Variants in ULK2 observed in about 807,000 individuals in gnomAD.
The protein encoded by ULK2 is serine/threonine-protein kinase ULK2.
ULK2 carries 76 observed loss-of-function variants against 127.5 expected under a neutral mutation model. The ratio of observed to expected loss-of-function variants is 0.60; its 90% confidence interval spans 0.50 to 0.72. ULK2 has a LOEUF of 0.72. ULK2 is among the 30% of genes least tolerant of loss of function. ULK2 has a pLI of 0.00. For missense variants in ULK2, 1,144 were observed against 1,295.9 expected, an observed-to-expected ratio of 0.88 and a Z score of 1.80; for synonymous variants, 452 against 461.9, an observed-to-expected ratio of 0.98 and a Z score of 0.28.
At chr17:19,849,469 C>A in intron 4 of ULK2, 64 bp from the exon 5 acceptor site, 1 of 1,443,368 alleles carries the variant, frequency 6.9e-7, no homozygotes, top group South Asian at 1.2e-5. Flanking sequence ...TCAATCCATT[C>A]TCAATTGTGA....
intron 13 of ULK2, among the ~76,000 whole-genome samples, chr17:19,815,328 T>C (rs539217752): frequency 6.6e-6 from 1 of 152,284 alleles, no homozygotes; most frequent in Non-Finnish European, 1.5e-5. Context: ...TGGCACGATC[T>C]CAGCTCACTG....
At chr17:19,792,185 C>T (rs556544589) in intron 20 of ULK2, among the ~76,000 whole-genome samples, 2 of 151,852 alleles carry the variant, frequency 1.3e-5, no homozygotes, top group South Asian at 2.1e-4. Flanking sequence ...CAAGAGCAAA[C>T]GAAACCTAAA....
intron 14 of ULK2, among the ~76,000 whole-genome samples, 195 bp from the exon 15 acceptor site, chr17:19,805,025 C>A (rs899740610): frequency 7.1e-6 from 1 of 141,804 alleles, no homozygotes; most frequent in Non-Finnish European, 1.5e-5. Flanking sequence ...AAACTCCTGG[C>A]ATTCATATGC....
rs1399229357 is a variant in ULK2 at position 19,843,003 on chromosome 17, G to GT, written c.645+117dup. On this transcript the variant is annotated intron_variant, in intron 8 of 26. Transcript: ENST00000395544. ...AGTTTTTGCCTATAACAGAATCAAA[G>GT]TAACTCACAGAGGAGCCAAAAACAC... is the stretch of plus-strand genomic sequence containing the variant. The GT allele has an allele frequency of 1.1e-5, 9 of 856,124 alleles. No individual in the cohort carries two copies. In the East Asian group the frequency reaches 2.2e-4, roughly 21 times the overall value. 53.0% of individuals were successfully genotyped at this position (856,124 alleles called of 1,614,324 possible).
intron 12 of ULK2, among the ~76,000 whole-genome samples, chr17:19,824,614 T>A (rs1321770052): frequency 6.6e-6 from 1 of 151,880 alleles, no homozygotes; most frequent in Non-Finnish European, 1.5e-5. Flanking sequence ...GAGGTTTGAG[T>A]AGAAGCCACC....
Position 19,773,513 on chromosome 17 carries a change from C to CAAACA in ULK2, c.*2835_*2836insTGTTT, listed in dbSNP as rs2086765526. 6.6e-6 allele frequency: 1 copy of CAAACA among 152,194 alleles called. No individual in the cohort carries two copies. The highest frequency in any genetic ancestry group is 1.5e-5 in the Non-Finnish European group (1 of 68,050). 9.4% of individuals were successfully genotyped at this position (152,194 alleles called of 1,614,324 possible). On this transcript the variant is annotated 3_prime_UTR_variant, in exon 27 of 27. Transcript: ENST00000395544. ...GGGCAATAAGTTACTTATCAGTCTTCACTAGAGGTTGTTTCTCTCAACTAA... is the reference window on the plus strand; with the variant it reads ...GGGCAATAAGTTACTTATCAGTCTTCAAACAACTAGAGGTTGTTTCTCTCAACTAA...
intron 3 of ULK2, among the ~76,000 whole-genome samples, chr17:19,862,878 C>G (rs1230696351): frequency 1.3e-5 from 2 of 152,268 alleles, no homozygotes; most frequent in East Asian, 3.9e-4. Context: ...GCCTCATTCC[C>G]AGCACTCAGA....
chr17:19,786,179 G>C (rs1376346140), intron 20 of ULK2, 93 bp from the exon 21 acceptor site: 2 of 1,251,404 alleles, frequency 1.6e-6, no homozygotes, highest in Non-Finnish European at 2.1e-6. Context: ...TTTATATCAG[G>C]AGTCTAGTGG....
chr17:19,866,432 CG>C (rs1471271228), intron 1 of ULK2, among the ~76,000 whole-genome samples: 1 of 152,096 alleles, frequency 6.6e-6, no homozygotes, highest in African/African-American at 2.4e-5. Flanking sequence ...CGCTTGAGCC[CG>C]GGAGGCAGCG....
chr17:19,833,839 T>G (rs1180582907), intron 10 of ULK2, among the ~76,000 whole-genome samples: 1 of 152,018 alleles, frequency 6.6e-6, no homozygotes, highest in East Asian at 1.9e-4. Context: ...CATAGACCAT[T>G]AAGTGCACAC....
intron 12 of ULK2, among the ~76,000 whole-genome samples, chr17:19,822,930 G>T (rs2041193913): frequency 6.6e-6 from 1 of 150,542 alleles, no homozygotes; most frequent in Non-Finnish European, 1.5e-5. Context: ...TCATGATCTG[G>T]CCACCTCAGC....
intron 20 of ULK2, among the ~76,000 whole-genome samples, chr17:19,790,542 C>T (rs1246349378): frequency 6.6e-6 from 1 of 151,588 alleles, no homozygotes; most frequent in Non-Finnish European, 1.5e-5. Flanking sequence ...AGTGATACCA[C>T]CAGAGAAAAT....
At chr17:19,786,584 C>T (rs974940868) in intron 20 of ULK2, among the ~76,000 whole-genome samples, 16 of 151,832 alleles carry the variant, frequency 1.1e-4, no homozygotes, top group Non-Finnish European at 2.2e-4. Flanking sequence ...CATGGTGATG[C>T]GTGCCTGTAA....
intron 18 of ULK2, among the ~76,000 whole-genome samples, chr17:19,796,698 CTCTT>C (rs1396410234): frequency 6.6e-6 from 1 of 152,174 alleles, no homozygotes; most frequent in Non-Finnish European, 1.5e-5. Context: ...GCTGCTACAA[CTCTT>C]TCTGTGAACG....
chr17:19,816,406 CTT>C (rs142786793), intron 13 of ULK2: 1 of 161,458 alleles, frequency 6.2e-6, no homozygotes, highest in South Asian at 2.0e-4. Context: ...TTATAACACT[CTT>C]TTGACTCAGG....
chr17:19,816,980 G>A (rs1315642667), intron 12 of ULK2, 60 bp from the exon 13 acceptor site: 11 of 1,490,718 alleles, frequency 7.4e-6, no homozygotes, highest in Non-Finnish European at 8.9e-6. Flanking sequence ...TCAGAATAGT[G>A]ACTAGACTAA....
chr17:19,846,102 G>C (rs1040136772), intron 6 of ULK2, among the ~76,000 whole-genome samples: 12 of 151,972 alleles, frequency 7.9e-5, no homozygotes, highest in Admixed American at 7.2e-4. Flanking sequence ...CTCCAGCCTG[G>C]GTGACAGAGC....
chr17:19,780,705 G>A (rs968844370), intron 24 of ULK2, 76 bp from the exon 25 acceptor site: 55 of 1,423,296 alleles, frequency 3.9e-5, no homozygotes, highest in Middle Eastern at 2.3e-4. Context: ...TATCTTTCCT[G>A]CTGATATATA....
intron 12 of ULK2, among the ~76,000 whole-genome samples, chr17:19,818,261 T>A (rs2041045036): frequency 6.7e-6 from 1 of 149,680 alleles, no homozygotes; most frequent in Non-Finnish European, 1.5e-5. Context: ...AGGCGGAGCT[T>A]GCAGTGAGCC....
Sources: allele counts gnomAD v4.1 joint callset (sites outside exome capture counted in the v4.1 genomes callset), GRCh38; gene constraint gnomAD v4.1.1; transcripts MANE v1.5; gene names NCBI Gene and HGNC (gene_info 2026-07-23, HGNC 2026-07-21).